SLC24A3: variants seen among roughly 807,000 people sequenced by gnomAD.
The protein encoded by SLC24A3 is sodium/potassium/calcium exchanger 3.
Under a neutral mutation model 75.8 loss-of-function variants are expected in SLC24A3, and 28 were observed. The observed-to-expected ratio is 0.37, with a 90% CI of 0.27 to 0.51. SLC24A3 has a LOEUF of 0.51. Ranked by LOEUF, SLC24A3 falls within the 20% of genes least tolerant of loss-of-function variation. The pLI, the probability that SLC24A3 is intolerant of heterozygous loss-of-function variation, is 0.94. For synonymous variants in SLC24A3, 372 were observed against 334.1 expected (o/e 1.11, Z -1.24); for missense variants, 663 against 847.8 (o/e 0.78, Z 2.71).
chr20:19,494,878 G>A (rs1350563584), intron 2 of SLC24A3, among the ~76,000 whole-genome samples: 2 of 152,214 alleles, frequency 1.3e-5, no homozygotes, highest in Admixed American at 1.3e-4. Context: ...GGTTGTCTCG[G>A]GTTGGGTCCC....
At chr20:19,355,743 A>G (rs1228771425) in intron 2 of SLC24A3, among the ~76,000 whole-genome samples, 1 of 152,220 alleles carries the variant, frequency 6.6e-6, no homozygotes, top group Admixed American at 6.5e-5. Flanking sequence ...TAGTGGCAAG[A>G]TCTGGTAGTG....
At chr20:19,568,117 T>A (rs1227988861) in intron 3 of SLC24A3, among the ~76,000 whole-genome samples, 1 of 152,186 alleles carries the variant, frequency 6.6e-6, no homozygotes, top group Non-Finnish European at 1.5e-5. Context: ...ATGACTACTA[T>A]CAAAATATCA....
intron 2 of SLC24A3, among the ~76,000 whole-genome samples, chr20:19,296,161 T>C (rs970722162): frequency 1.1e-4 from 17 of 152,106 alleles, no homozygotes; most frequent in African/African-American, 4.1e-4. Context: ...GTTTATAGTA[T>C]TCTCTGACAG....
intron 6 of SLC24A3, among the ~76,000 whole-genome samples, chr20:19,594,794 T>C (rs1384959060): frequency 6.6e-6 from 1 of 152,090 alleles, no homozygotes; most frequent in African/African-American, 2.4e-5. Flanking sequence ...TGGAGTCAAG[T>C]GGTGGCCAAT....
chr20:19,523,229 G>A (rs992244127), intron 3 of SLC24A3, among the ~76,000 whole-genome samples: 1 of 152,154 alleles, frequency 6.6e-6, no homozygotes, highest in Non-Finnish European at 1.5e-5. Flanking sequence ...TTAAACCAGG[G>A]GGGTTTGAAA....
At chr20:19,446,129 G>A (rs905395120) in intron 2 of SLC24A3, among the ~76,000 whole-genome samples, 2 of 152,172 alleles carry the variant, frequency 1.3e-5, no homozygotes, top group Admixed American at 6.5e-5. Flanking sequence ...ATAGAGTGTG[G>A]CTTCAGTAAC....
chr20:19,475,009 C>T (rs1287315845), intron 2 of SLC24A3, among the ~76,000 whole-genome samples: 1 of 152,120 alleles, frequency 6.6e-6, no homozygotes, highest in African/African-American at 2.4e-5. Context: ...TAACAGTTCA[C>T]AATAGAGGTG....
At chr20:19,701,890 C>T (rs1211271640) in intron 15 of SLC24A3, among the ~76,000 whole-genome samples, 1 of 152,124 alleles carries the variant, frequency 6.6e-6, no homozygotes, top group African/African-American at 2.4e-5. Context: ...ATATTTTCAC[C>T]AGGATGACTC....
At chr20:19,239,202 C>T (rs1982262379) in intron 1 of SLC24A3, among the ~76,000 whole-genome samples, 1 of 152,074 alleles carries the variant, frequency 6.6e-6, no homozygotes. Context: ...TGGAGACAGC[C>T]CTATCCCTCT....
intron 6 of SLC24A3, among the ~76,000 whole-genome samples, chr20:19,634,404 C>T (rs1407992695): frequency 6.6e-6 from 1 of 152,048 alleles, no homozygotes; most frequent in East Asian, 1.9e-4. Context: ...AAGGAGGAAA[C>T]AAAGGGCTTT....
intron 2 of SLC24A3, among the ~76,000 whole-genome samples, chr20:19,440,070 C>G (rs1255177589): frequency 6.6e-6 from 1 of 152,206 alleles, no homozygotes; most frequent in Non-Finnish European, 1.5e-5. Context: ...AACAATTTGT[C>G]TTTGCTGAAA....
intron 2 of SLC24A3, among the ~76,000 whole-genome samples, chr20:19,511,100 CCT>C (rs1204611021): frequency 6.6e-6 from 1 of 152,166 alleles, no homozygotes; most frequent in Non-Finnish European, 1.5e-5. Flanking sequence ...GACCTGCTTT[CCT>C]CTGTCTCCCA....
intron 15 of SLC24A3, among the ~76,000 whole-genome samples, chr20:19,701,251 C>CAGTGAA (rs2032868726): frequency 6.6e-6 from 1 of 152,044 alleles, no homozygotes; most frequent in African/African-American, 2.4e-5. Context: ...CTTTCACCAG[C>CAGTGAA]AGTGAAAGTT....
intron 2 of SLC24A3, among the ~76,000 whole-genome samples, chr20:19,289,432 C>G (rs1600413385): frequency 6.6e-6 from 1 of 152,204 alleles, no homozygotes; most frequent in Non-Finnish European, 1.5e-5. Context: ...GGTTGTCCAC[C>G]TGTACTCATG....
chr20:19,490,013 T>C (rs951078087), intron 2 of SLC24A3, among the ~76,000 whole-genome samples: 4 of 152,164 alleles, frequency 2.6e-5, no homozygotes, highest in African/African-American at 7.2e-5. Context: ...GTGTATCTGG[T>C]TGGGGGGATC....
At chr20:19,663,859 A>C (rs892716394) in intron 7 of SLC24A3, among the ~76,000 whole-genome samples, 1 of 152,200 alleles carries the variant, frequency 6.6e-6, no homozygotes, top group African/African-American at 2.4e-5. Flanking sequence ...TGAAATGATC[A>C]GTAGCTAAAG....
At chr20:19,640,257 T>C (rs1006913829) in intron 6 of SLC24A3, among the ~76,000 whole-genome samples, 1 of 152,148 alleles carries the variant, frequency 6.6e-6, no homozygotes, top group Non-Finnish European at 1.5e-5. Context: ...AAGACATCAA[T>C]ACAAAACAAG....
At chr20:19,497,473 T>C (rs1222219677) in intron 2 of SLC24A3, among the ~76,000 whole-genome samples, 1 of 152,198 alleles carries the variant, frequency 6.6e-6, no homozygotes, top group Non-Finnish European at 1.5e-5. Context: ...CGGGTCCCAT[T>C]TTGGGCTCTA....
At chr20:19,519,363 C>CTTTGTGTGTGT (rs2030060072) in intron 3 of SLC24A3, among the ~76,000 whole-genome samples, 1 of 152,140 alleles carries the variant, frequency 6.6e-6, no homozygotes, top group Non-Finnish European at 1.5e-5. Flanking sequence ...TTTGTGTGTG[C>CTTTGTGTGTGT]TTTGTGTGTG....
Sources: allele counts gnomAD v4.1 joint callset (sites outside exome capture counted in the v4.1 genomes callset), GRCh38; gene constraint gnomAD v4.1.1; transcripts MANE v1.5; gene names NCBI Gene and HGNC (gene_info 2026-07-23, HGNC 2026-07-21).